The following TMEM245 variants were observed in gnomAD, a reference collection of about 807,000 sequenced individuals.
The protein encoded by TMEM245 is transmembrane protein 245.
A neutral mutation model predicts 101.2 loss-of-function variants in TMEM245; 69 were observed. The observed-to-expected ratio is 0.68, with a 90% CI of 0.56 to 0.83. The LOEUF (loss-of-function observed/expected upper bound fraction) is 0.83. Among genes scored for constraint, TMEM245 ranks in the 40% least tolerant of loss-of-function variants. The pLI is 0.00. For synonymous variants in TMEM245, 537 were observed against 449.8 expected, an observed-to-expected ratio of 1.19 and a Z score of -2.45; for missense variants, 1,075 against 1,092.8, an observed-to-expected ratio of 0.98 and a Z score of 0.23.
chr9:109,095,100 G>C (rs1215112098), intron 3 of TMEM245, among the ~76,000 whole-genome samples: 1 of 152,170 alleles, frequency 6.6e-6, no homozygotes, highest in Non-Finnish European at 1.5e-5. Context: ...TTCATTTTTA[G>C]ATAGGGTATC....
At position 109,029,883 on chromosome 9, in the gene TMEM245, G is replaced by A. The variant is rs114762251; in HGVS notation, c.2594+3424C>T. ...TGGTGCAGAGCTTGAGATGGGATTA[G>A]TTATAAGTACATGGAAAGCAAAGCA... is the stretch of plus-strand genomic sequence containing the variant. On this transcript the variant is annotated intron_variant, in intron 17 of 17. Transcript: ENST00000374586. Among the ~76,000 whole-genome samples, 339 of 152,256 alleles carry A rather than the reference G, an allele frequency of 2.2e-3. 3 individuals are homozygous for A. The highest frequency in any genetic ancestry group is 7.5e-3 in the African/African-American group (313 of 41,528).
In TMEM245 at chr9:109,018,059, A is replaced by T. The variant is rs1297345823; in HGVS notation, c.*2401T>A. On this transcript the variant is annotated 3_prime_UTR_variant, in exon 18 of 18. Transcript: ENST00000374586. ...CTGCTAATTTTGGTAGCTCTAAAGTATTCTCTTAAAGACCTCTAAGAACCT... is the reference window on the plus strand; with the variant it reads ...CTGCTAATTTTGGTAGCTCTAAAGTTTTCTCTTAAAGACCTCTAAGAACCT... The T allele has an allele frequency of 6.6e-6, 1 of 152,200 alleles. No homozygotes were observed. Among genetic ancestry groups the T allele is most frequent in the African/African-American group, 2.4e-5 (1 of 41,454 alleles). The allele number at this position is 152,200 out of a possible 1,614,324, so 9.4% of individuals were successfully genotyped here. A position where few individuals can be genotyped will look rare whatever the true frequency, so the allele number is the denominator to read the frequency against.
intron 12 of TMEM245, 137 bp from the exon 13 acceptor site, chr9:109,050,829 AT>A: frequency 5.1e-6 from 5 of 989,228 alleles, no homozygotes; most frequent in Admixed American, 3.1e-5. Context: ...TCAAATGAAA[AT>A]TAAAAAAAAA....
At chr9:109,036,099 C>T in intron 16 of TMEM245, 107 bp downstream of exon 16, 5 of 795,738 alleles carry the variant, frequency 6.3e-6, no homozygotes, top group Non-Finnish European at 8.9e-6. Context: ...AAAATTCCTA[C>T]TACCAGTTCT....
intron 12 of TMEM245, among the ~76,000 whole-genome samples, chr9:109,053,299 T>A (rs566682529): frequency 2.0e-4 from 31 of 152,210 alleles, no homozygotes; most frequent in African/African-American, 7.5e-4. Context: ...TGGTGGTGCA[T>A]GCCTGTAATT....
At chr9:109,083,901 C>CGAAAAAAA (rs1829745690) in intron 7 of TMEM245, among the ~76,000 whole-genome samples, 1 of 34,468 alleles carries the variant, frequency 2.9e-5, no homozygotes, top group Non-Finnish European at 5.0e-5. Context: ...ACTAAAAATA[C>CGAAAAAAA]AAAAAAAAAA....
chr9:109,088,909 C>T (rs1013131891), intron 5 of TMEM245, among the ~76,000 whole-genome samples: 1 of 149,934 alleles, frequency 6.7e-6, no homozygotes, highest in Non-Finnish European at 1.5e-5. Context: ...ATGGTATCTG[C>T]TCTGTGACTT....
At chr9:109,047,689 GAAAATAGAAACATTTTTCTAAGA>G (rs978905323) in intron 14 of TMEM245, among the ~76,000 whole-genome samples, 7 of 152,218 alleles carry the variant, frequency 4.6e-5, no homozygotes, top group African/African-American at 1.7e-4. Flanking sequence ...GCTGTGATGT[GAAAATAGAAACATTTTTCTAAGA>G]ATAAGAGTCA....
At chr9:109,071,295 A>C (rs1288716640) in intron 9 of TMEM245, among the ~76,000 whole-genome samples, 1 of 152,014 alleles carries the variant, frequency 6.6e-6, no homozygotes. Flanking sequence ...ATATTTCAAA[A>C]GAAATATACT....
At chr9:109,061,274 C>T (rs763329795) in intron 10 of TMEM245, among the ~76,000 whole-genome samples, 8 of 152,100 alleles carry the variant, frequency 5.3e-5, no homozygotes, top group Non-Finnish European at 8.8e-5. Context: ...CGTGATCACG[C>T]CAACATGCTC....
At position 109,050,754 on chromosome 9, in the gene TMEM245, T is replaced by G; in HGVS notation, c.1855-62A>C. The stretch of plus-strand genomic sequence containing the variant: ...CTCATGAAAAAAGTTTCTAGAGCCA[T>G]CTAGTGTGCTTTTAATACAGTGTTT... On this transcript the variant is annotated intron_variant, in intron 12 of 17. Coordinates refer to ENST00000374586, the MANE Select transcript of TMEM245 (RefSeq NM_032012.4). 12 of 1,595,916 alleles carry G rather than the reference T, an allele frequency of 7.5e-6. No homozygotes were observed. The South Asian group carries it at 1.3e-4, about 18-fold the overall frequency.
intron 8 of TMEM245, among the ~76,000 whole-genome samples, chr9:109,078,382 A>C (rs10979682): frequency 0.038 from 5,832 of 152,278 alleles, 270 homozygotes; most frequent in African/African-American, 0.11. Flanking sequence ...TTATTTCTGG[A>C]GTCATTTATC....
chr9:109,033,556 C>T lies in TMEM245; in HGVS notation c.2400-55G>A, dbSNP rs971943874. The T allele has an allele frequency of 9.4e-6, 14 of 1,496,008 alleles. No homozygotes were observed. The African/African-American group carries it at 1.5e-4, about 16-fold the overall frequency. The allele number at this position is 1,496,008 out of a possible 1,614,324, so 92.7% of individuals were successfully genotyped here. ...CAAAAACTGGAAAAAATCTGAAATA[C>T]ATTTCTAATACAATGTGCATTCTTT... On this transcript the variant is annotated intron_variant, in intron 16 of 17. Transcript: ENST00000374586.
Position 109,091,374 on chromosome 9 carries a change from G to A in TMEM245, c.917-219C>T, listed in dbSNP as rs567364654. On this transcript the variant is annotated intron_variant, in intron 4 of 17. Transcript: ENST00000374586. ...TGCCAATAGAGCTTTAATTTAGGAA[G>A]ACTAAGTTAGTTGGTGATAGAATTG... is the stretch of plus-strand genomic sequence containing the variant. 5.3e-5 allele frequency among the ~76,000 whole-genome samples: 8 copies of A among 152,314 alleles called. No individual in the cohort carries two copies. In the South Asian group the frequency reaches 1.7e-3, roughly 32 times the overall value.
chr9:109,090,389 C>T (rs897683870), intron 5 of TMEM245, among the ~76,000 whole-genome samples: 27 of 152,054 alleles, frequency 1.8e-4, no homozygotes, highest in African/African-American at 6.3e-4. Flanking sequence ...TCAAATACTA[C>T]ATGAAATTGT....
At chr9:109,025,343 T>C (rs1449046369) in intron 17 of TMEM245, among the ~76,000 whole-genome samples, 2 of 152,178 alleles carry the variant, frequency 1.3e-5, no homozygotes, top group African/African-American at 4.8e-5. Context: ...AGTGCTGGGA[T>C]TACAGGCATG....
chr9:109,041,453 A>ATT (rs1193341550), intron 14 of TMEM245, among the ~76,000 whole-genome samples: 8,238 of 83,298 alleles, frequency 0.099, 1,352 homozygotes, highest in Non-Finnish European at 0.13. Flanking sequence ...CATCCTACAA[A>ATT]TTTTTTTTTT....
chr9:109,090,139 T>G (rs935395827), intron 5 of TMEM245, among the ~76,000 whole-genome samples: 2 of 152,038 alleles, frequency 1.3e-5, no homozygotes, highest in Admixed American at 6.6e-5. Context: ...CGCATGCCTG[T>G]AGTCCCAGCA....
chr9:109,062,515 C>T lies in TMEM245; in HGVS notation c.1623+1962G>A, dbSNP rs936674151. ...AATGAAAGGAGTGACCATTTTCCCA[C>T]GTTAGTTTACAACATCTATTTCCTT... On this transcript the variant is annotated intron_variant, in intron 10 of 17. Transcript: ENST00000374586. Among the ~76,000 whole-genome samples the T allele has an allele frequency of 6.6e-5, 10 of 152,190 alleles. No individual in the cohort carries two copies. In the East Asian group the frequency reaches 1.2e-3, roughly 18 times the overall value.
Sources: gnomAD v4.1 joint callset for allele counts (sites outside exome capture counted in the v4.1 genomes callset) on GRCh38, gnomAD v4.1.1 for gene constraint, MANE v1.5 for transcripts, NCBI Gene and HGNC (gene_info 2026-07-23, HGNC 2026-07-21) for gene names.